Variants in ANKMY1 observed in about 807,000 individuals in gnomAD.
ANKMY1 encodes ankyrin repeat and MYND domain-containing protein 1.
A neutral mutation model predicts 102.0 loss-of-function variants in ANKMY1; 98 were observed. The observed-to-expected ratio is 0.96, with a 90% CI of 0.82 to 1.14. ANKMY1 has a LOEUF of 1.14. Ranked by LOEUF, ANKMY1 falls within the 50% of genes most tolerant of loss-of-function variation. ANKMY1 has a pLI of 0.00. For synonymous variants in ANKMY1, 582 were observed against 559.9 expected (o/e 1.04, Z -0.56); for missense variants, 1,330 against 1,347.6 (o/e 0.99, Z 0.20).
intron 9 of ANKMY1, among the ~76,000 whole-genome samples, chr2:240,518,116 G>C (rs570021874): frequency 1.3e-5 from 2 of 152,080 alleles, no homozygotes; most frequent in Admixed American, 1.3e-4. Context: ...GTGTTGAAAC[G>C]GGCCCAATTG....
chr2:240,546,457 G>A (rs992715180), intron 4 of ANKMY1, among the ~76,000 whole-genome samples: 13 of 152,064 alleles, frequency 8.5e-5, no homozygotes, highest in African/African-American at 1.9e-4. Flanking sequence ...ATCAACTAAC[G>A]AGCAAAATAA....
At chr2:240,521,369 T>C (rs955757777) in intron 8 of ANKMY1, among the ~76,000 whole-genome samples, 3 of 152,166 alleles carry the variant, frequency 2.0e-5, no homozygotes, top group South Asian at 2.1e-4. Flanking sequence ...TGGCTCTCCT[T>C]GTCTGCCGCT....
intron 7 of ANKMY1, among the ~76,000 whole-genome samples, chr2:240,525,233 T>C (rs1040598839): frequency 2.0e-5 from 3 of 152,256 alleles, no homozygotes; most frequent in African/African-American, 7.2e-5. Context: ...AGCACCCGAT[T>C]AAAGCCTTCT....
intron 2 of ANKMY1, among the ~76,000 whole-genome samples, chr2:240,556,598 GAGACCAGAAC>G (rs1325695783): frequency 2.6e-5 from 4 of 152,216 alleles, no homozygotes; most frequent in Admixed American, 1.3e-4. Context: ...AAACAGTGTG[GAGACCAGAAC>G]TCTGAGCCCT....
At chr2:240,551,533 G>A (rs966237234) in intron 4 of ANKMY1, among the ~76,000 whole-genome samples, 2 of 152,206 alleles carry the variant, frequency 1.3e-5, no homozygotes, top group African/African-American at 4.8e-5. Context: ...GCTTTGTGTG[G>A]GTGATCAGGG....
At chr2:240,556,708 T>C (rs1463901871) in intron 2 of ANKMY1, among the ~76,000 whole-genome samples, 1 of 152,206 alleles carries the variant, frequency 6.6e-6, no homozygotes, top group Non-Finnish European at 1.5e-5. Flanking sequence ...CCACTAGACT[T>C]TGGGCACTCT....
chr2:240,524,532 C>T, intron 7 of ANKMY1, 151 bp from the exon 8 acceptor site: 2 of 895,106 alleles, frequency 2.2e-6, no homozygotes, highest in Non-Finnish European at 3.3e-6. Context: ...CCCAAACCCT[C>T]AAAGAGAAAA....
intron 12 of ANKMY1, among the ~76,000 whole-genome samples, chr2:240,508,902 A>G (rs894477415): frequency 1.1e-4 from 17 of 149,146 alleles, no homozygotes; most frequent in African/African-American, 4.0e-4. Flanking sequence ...GGATGGGTGA[A>G]TAGGTGAATG....
chr2:240,505,995 T>G (rs1222276717), intron 13 of ANKMY1, among the ~76,000 whole-genome samples: 1 of 152,058 alleles, frequency 6.6e-6, no homozygotes, highest in African/African-American at 2.4e-5. Context: ...ATGGTTAGGG[T>G]TGGCAGCACT....
At chr2:240,504,206 T>C (rs2078681877) in intron 13 of ANKMY1, among the ~76,000 whole-genome samples, 2 of 152,224 alleles carry the variant, frequency 1.3e-5, no homozygotes, top group African/African-American at 4.8e-5. Context: ...CCCAGGCCTC[T>C]AGCAGAAGGG....
chr2:240,552,888 A>G (rs571488029), intron 4 of ANKMY1, 26 bp downstream of exon 4: 1 of 1,613,232 alleles, frequency 6.2e-7, no homozygotes, highest in Non-Finnish European at 8.5e-7. Context: ...CTTCGACCCC[A>G]GCTGAACACA....
rs1263628070 is a variant in ANKMY1, at chr2:240,506,039, G to T, written c.2526+1521C>A. On this transcript the variant is annotated intron_variant, in intron 13 of 17. Coordinates refer to ENST00000401804, the MANE Select transcript of ANKMY1 (RefSeq NM_001282771.3). The surrounding 1 kb of genome is among the most constrained non-coding windows in gnomAD (Gnocchi z 4.9). ...CCCTAACCCCGGATGAGGCACCGGG[G>T]AGCCTCCTAACCCCGGACAAGATGC... Among the ~76,000 whole-genome samples, 3 of 151,928 alleles carry T rather than the reference G, an allele frequency of 2.0e-5. No homozygotes were observed. Among genetic ancestry groups the T allele is most frequent in the Admixed American group, 2.0e-4 (3 of 15,246 alleles).
intron 4 of ANKMY1, among the ~76,000 whole-genome samples, chr2:240,544,864 A>C (rs200553700): frequency 4.6e-5 from 7 of 151,874 alleles, no homozygotes; most frequent in South Asian, 4.2e-4. Flanking sequence ...TCCTACGCCC[A>C]CGGAGTCTCG....
chr2:240,560,862 G>C (rs772193176), upstream of ANKMY1: 3 of 1,353,246 alleles, frequency 2.2e-6, no homozygotes, highest in South Asian at 3.2e-5. Context: ...CGGCCCGCGC[G>C]CGCCCGGCGT....
chr2:240,525,673 C>CG lies in ANKMY1; in HGVS notation c.1335+11dup. Reference sequence around the variant, plus strand: ...AGACAGTTGGTGGTGCAGTGGCCACCGGGGGGCTTACCTGGGGCTCAGGTA... The same window carrying CG: ...AGACAGTTGGTGGTGCAGTGGCCACCGGGGGGGCTTACCTGGGGCTCAGGTA... On this transcript the variant is annotated intron_variant, in intron 7 of 17. Coordinates refer to ENST00000401804, the MANE Select transcript of ANKMY1 (RefSeq NM_001282771.3). 7 of 1,612,734 alleles carry CG rather than the reference C, an allele frequency of 4.3e-6. No homozygotes were observed. The highest frequency in any genetic ancestry group is 4.2e-6 in the Non-Finnish European group (5 of 1,179,340).
At chr2:240,547,275 C>T (rs975551033) in intron 4 of ANKMY1, among the ~76,000 whole-genome samples, 154 of 152,214 alleles carry the variant, frequency 1.0e-3, no homozygotes, top group Admixed American at 2.0e-3. Flanking sequence ...GGGTACATAA[C>T]GAAATGAAGG....
the ANKMY1 span, among the ~76,000 whole-genome samples, chr2:240,469,656 CAT>C: frequency 3.6e-5 from 3 of 83,884 alleles, no homozygotes; most frequent in Admixed American, 3.2e-4. Context: ...CACACATGCA[CAT>C]GTGCACTCCA....
At chr2:240,541,790 C>G (rs1280353662) in intron 4 of ANKMY1, among the ~76,000 whole-genome samples, 1 of 152,114 alleles carries the variant, frequency 6.6e-6, no homozygotes, top group African/African-American at 2.4e-5. Context: ...GCGTGAGCCA[C>G]CACGCTGGGC....
chr2:240,524,592 C>T (rs1030826333), intron 7 of ANKMY1, among the ~76,000 whole-genome samples: 2 of 152,242 alleles, frequency 1.3e-5, no homozygotes, highest in Non-Finnish European at 2.9e-5. Flanking sequence ...GACCAGGCCA[C>T]ACCTCAGGCT....
Sources: gnomAD v4.1 joint callset for allele counts (sites outside exome capture counted in the v4.1 genomes callset) on GRCh38, gnomAD v4.1.1 for gene constraint, Gnocchi (gnomAD v3.1) non-coding constraint, MANE v1.5 for transcripts, NCBI Gene and HGNC (gene_info 2026-07-23, HGNC 2026-07-21) for gene names.